Variants in EEF1AKMT1 observed in about 807,000 individuals in gnomAD.
EEF1AKMT1 encodes the protein EEF1A lysine methyltransferase 1.
A neutral mutation model predicts 21.0 loss-of-function variants in EEF1AKMT1; 18 were observed. The observed-to-expected ratio is 0.86, with a 90% CI of 0.59 to 1.27. The LOEUF (loss-of-function observed/expected upper bound fraction) is 1.27, where lower values mean the gene tolerates loss of function less well. Among genes scored for constraint, EEF1AKMT1 ranks in the 50% most tolerant of loss-of-function variants. The pLI is 0.00. For missense variants in EEF1AKMT1, 246 were observed against 258.6 expected (o/e 0.95, Z 0.33); for synonymous variants, 109 against 94.8 (o/e 1.15, Z -0.87).
At chr13:20,740,834 T>TGAGGTGGAGGGG (rs1446958485) in intron 2 of EEF1AKMT1, among the ~76,000 whole-genome samples, 38 of 152,136 alleles carry the variant, frequency 2.5e-4, no homozygotes, top group Non-Finnish European at 4.3e-4. Flanking sequence ...TCTACACTTT[T>TGAGGTGGAGGGG]AAAAGGTGAA....
At chr13:20,762,958 T>C (rs1009575308) in intron 1 of EEF1AKMT1, among the ~76,000 whole-genome samples, 2 of 152,234 alleles carry the variant, frequency 1.3e-5, no homozygotes, top group African/African-American at 2.4e-5. Flanking sequence ...ATGATATAAA[T>C]TAAACTGATT....
chr13:20,747,462 C>CTTTTTTTTTTTTTTTTTTTTTTTTTTTT (rs60730051), intron 2 of EEF1AKMT1: 2 of 87,632 alleles, frequency 2.3e-5, no homozygotes, highest in African/African-American at 1.0e-4. Context: ...TAGGCACATT[C>CTTTTTTTTTTTTTTTTTTTTTTTTTTTT]TTTTTTTTTT....
intron 1 of EEF1AKMT1, among the ~76,000 whole-genome samples, chr13:20,766,313 A>T (rs1646586801): frequency 7.1e-6 from 1 of 140,724 alleles, no homozygotes; most frequent in Admixed American, 7.4e-5. Context: ...AAAAAAAAAA[A>T]AAGAAAGAAA....
At chr13:20,768,469 C>G (rs1193327977) in intron 1 of EEF1AKMT1, among the ~76,000 whole-genome samples, 1 of 152,212 alleles carries the variant, frequency 6.6e-6, no homozygotes, top group African/African-American at 2.4e-5. Flanking sequence ...ATTGTTCCTT[C>G]AAATCTTTTC....
chr13:20,761,677 AG>A (rs10710748), intron 1 of EEF1AKMT1, among the ~76,000 whole-genome samples: 42,961 of 152,120 alleles, frequency 0.28, 7,624 homozygotes, highest in East Asian at 0.75. Flanking sequence ...CATCAAATGA[AG>A]AACTGAATCC....
chr13:20,772,266 A>G (rs1160463763), intron 1 of EEF1AKMT1, among the ~76,000 whole-genome samples: 1 of 152,000 alleles, frequency 6.6e-6, no homozygotes, highest in East Asian at 1.9e-4. Flanking sequence ...TAAAACTTGT[A>G]CCTATGGATT....
chr13:20,729,570 A>G (rs1023535273), intron 4 of EEF1AKMT1, among the ~76,000 whole-genome samples: 17 of 152,094 alleles, frequency 1.1e-4, no homozygotes, highest in African/African-American at 3.9e-4. Flanking sequence ...ACATTTCCCA[A>G]CGTTGAGCCA....
intron 1 of EEF1AKMT1, chr13:20,769,114 T>A (rs755438769): frequency 6.6e-6 from 1 of 151,980 alleles, no homozygotes; most frequent in Non-Finnish European, 1.5e-5. Context: ...ATATGAGTTT[T>A]GTGCACCCAC....
At chr13:20,746,552 C>T (rs79570300) in intron 2 of EEF1AKMT1, among the ~76,000 whole-genome samples, 6,340 of 152,254 alleles carry the variant, frequency 0.042, 310 homozygotes, top group African/African-American at 0.11. Flanking sequence ...AATGGAAGGG[C>T]TTTGAGTTCA....
At chr13:20,738,665 G>A (rs576513573) in intron 2 of EEF1AKMT1, among the ~76,000 whole-genome samples, 1 of 152,272 alleles carries the variant, frequency 6.6e-6, no homozygotes, top group Admixed American at 6.5e-5. Context: ...AAGGAACAGG[G>A]TACTGATATA....
intron 2 of EEF1AKMT1, among the ~76,000 whole-genome samples, chr13:20,748,715 G>GGTTTTTTGTTTTTTTTT (rs1555326495): frequency 6.6e-5 from 7 of 105,810 alleles, no homozygotes; most frequent in African/African-American, 2.6e-4. Flanking sequence ...ATGTATAGTT[G>GGTTTTTTGTTTTTTTTT]TTTTTTTTTG....
At chr13:20,752,110 C>T (rs574101603) in intron 2 of EEF1AKMT1, among the ~76,000 whole-genome samples, 3 of 152,182 alleles carry the variant, frequency 2.0e-5, no homozygotes, top group Admixed American at 6.5e-5. Context: ...AATTTGACTT[C>T]CTCTTTTCCA....
chr13:20,740,421 T>C (rs1595016436), intron 2 of EEF1AKMT1, among the ~76,000 whole-genome samples: 1 of 152,082 alleles, frequency 6.6e-6, no homozygotes, highest in Non-Finnish European at 1.5e-5. Flanking sequence ...GTGGCCAGAG[T>C]GGGCGCTGAG....
chr13:20,773,321 T>G (rs780913567), intron 1 of EEF1AKMT1, among the ~76,000 whole-genome samples: 1 of 152,162 alleles, frequency 6.6e-6, no homozygotes, highest in Non-Finnish European at 1.5e-5. Context: ...GGACCCGCTA[T>G]CGTCCCAGCA....
intron 2 of EEF1AKMT1, among the ~76,000 whole-genome samples, chr13:20,748,725 G>GTTT (rs1491496241): frequency 4.4e-5 from 3 of 68,638 alleles, no homozygotes; most frequent in Non-Finnish European, 7.9e-5. Context: ...GTTTTTTTTT[G>GTTT]GTTTTTTTTT....
intron 2 of EEF1AKMT1, among the ~76,000 whole-genome samples, chr13:20,739,109 C>G (rs1405160150): frequency 6.6e-6 from 1 of 152,022 alleles, no homozygotes; most frequent in Non-Finnish European, 1.5e-5. Flanking sequence ...AGACCTTCGC[C>G]AAGAGGATTA....
At chr13:20,745,800 A>G (rs2141422562) in intron 2 of EEF1AKMT1, among the ~76,000 whole-genome samples, 1 of 152,316 alleles carries the variant, frequency 6.6e-6, no homozygotes, top group Admixed American at 6.5e-5. Flanking sequence ...GTAAGCCGAG[A>G]TTGTGCCACT....
At chr13:20,764,168 A>T (rs2059015221) in intron 1 of EEF1AKMT1, among the ~76,000 whole-genome samples, 1 of 152,132 alleles carries the variant, frequency 6.6e-6, no homozygotes, top group African/African-American at 2.4e-5. Flanking sequence ...GGAGTTTAGA[A>T]CACTGTTTTG....
chr13:20,734,828 A>G (rs1180276291), intron 3 of EEF1AKMT1, among the ~76,000 whole-genome samples: 1 of 152,166 alleles, frequency 6.6e-6, no homozygotes, highest in African/African-American at 2.4e-5. Flanking sequence ...AAAAGAAAGT[A>G]TATCTAAAAG....
Sources: allele counts gnomAD v4.1 joint callset (sites outside exome capture counted in the v4.1 genomes callset), GRCh38; gene constraint gnomAD v4.1.1; transcripts MANE v1.5; gene names NCBI Gene and HGNC (gene_info 2026-07-23, HGNC 2026-07-21).